TSNARE1: variants seen among roughly 807,000 people sequenced by gnomAD.
TSNARE1 encodes t-SNARE domain-containing protein 1.
In TSNARE1, 49 loss-of-function variants were observed where a neutral mutation model predicts 62.0. The ratio of observed to expected loss-of-function variants is 0.79; its 90% CI spans 0.63 to 1.00. TSNARE1 has a LOEUF of 1.00. Among genes scored for constraint, TSNARE1 ranks in the 50% least tolerant of loss-of-function variants. The pLI, the probability that TSNARE1 is intolerant of heterozygous loss-of-function variation, is 0.00. For missense variants in TSNARE1, 755 were observed against 700.1 expected, an observed-to-expected ratio of 1.08 and a Z score of -0.88; for synonymous variants, 328 against 294.4, an observed-to-expected ratio of 1.11 and a Z score of -1.17.
intron 2 of TSNARE1, among the ~76,000 whole-genome samples, chr8:142,351,194 C>G (rs535641292): frequency 6.6e-6 from 1 of 152,322 alleles, no homozygotes; most frequent in African/African-American, 2.4e-5. Flanking sequence ...ACACCAGGGG[C>G]TGTGACGCGT....
intron 2 of TSNARE1, among the ~76,000 whole-genome samples, chr8:142,346,246 G>A (rs1465836317): frequency 2.0e-5 from 3 of 152,200 alleles, no homozygotes; most frequent in Non-Finnish European, 4.4e-5. Flanking sequence ...CTCCAGCATC[G>A]TTTAAGGCAA....
intron 1 of TSNARE1, among the ~76,000 whole-genome samples, chr8:142,372,524 G>A (rs1835985998): frequency 6.6e-6 from 1 of 152,184 alleles, no homozygotes; most frequent in African/African-American, 2.4e-5. Flanking sequence ...GACAGACAGA[G>A]GCTGCGGGGT....
chr8:142,274,170 C>T (rs1820037564), intron 12 of TSNARE1: 1 of 985,286 alleles, frequency 1.0e-6, no homozygotes, highest in Non-Finnish European at 1.2e-6. Context: ...GTGGGGAGCA[C>T]CAGGCCACAA....
At chr8:142,372,232 C>T (rs912424400) in intron 1 of TSNARE1, among the ~76,000 whole-genome samples, 10 of 152,194 alleles carry the variant, frequency 6.6e-5, no homozygotes, top group South Asian at 2.1e-4. Flanking sequence ...GTCCGCAGCA[C>T]GACAGACAGA....
intron 12 of TSNARE1, chr8:142,269,888 T>A (rs1819372210): frequency 1.0e-6 from 1 of 985,312 alleles, no homozygotes; most frequent in African/African-American, 1.7e-5. Flanking sequence ...ATAGACAAGT[T>A]ACTGACACAT....
At chr8:142,334,721 G>A (rs1831518899) in intron 4 of TSNARE1, among the ~76,000 whole-genome samples, 1 of 152,182 alleles carries the variant, frequency 6.6e-6, no homozygotes, top group Non-Finnish European at 1.5e-5. Context: ...CACATTTCAT[G>A]AGGAAGAAAA....
intron 10 of TSNARE1, among the ~76,000 whole-genome samples, chr8:142,297,735 T>C (rs12682233): frequency 0.24 from 36,855 of 152,194 alleles, 5,089 homozygotes; most frequent in African/African-American, 0.37. Context: ...CAGCCTCTCA[T>C]GCGTCACGCT....
chr8:142,352,228 G>C (rs1834183179), intron 2 of TSNARE1, among the ~76,000 whole-genome samples: 1 of 152,214 alleles, frequency 6.6e-6, no homozygotes, highest in Admixed American at 6.5e-5. Context: ...GAGAAAAGCA[G>C]ACAAACAGTG....
intron 1 of TSNARE1, among the ~76,000 whole-genome samples, chr8:142,371,045 G>C (rs1016590689): frequency 6.6e-6 from 1 of 152,176 alleles, no homozygotes; most frequent in Non-Finnish European, 1.5e-5. Flanking sequence ...GGTACAAGAG[G>C]ACATCATTTC....
At chr8:142,385,197 G>A (rs776695106) in intron 1 of TSNARE1, among the ~76,000 whole-genome samples, 15 of 152,060 alleles carry the variant, frequency 9.9e-5, no homozygotes, top group Middle Eastern at 3.4e-3. Flanking sequence ...AACAACACTC[G>A]AGGTCAAAAG....
chr8:142,344,855 C>T (rs943570064), intron 3 of TSNARE1, among the ~76,000 whole-genome samples: 3 of 152,222 alleles, frequency 2.0e-5, no homozygotes, highest in African/African-American at 7.2e-5. Flanking sequence ...GGGATCAGCC[C>T]TCGCCTGGGG....
At chr8:142,347,330 G>A (rs986062681) in intron 2 of TSNARE1, among the ~76,000 whole-genome samples, 8 of 152,320 alleles carry the variant, frequency 5.3e-5, no homozygotes, top group Non-Finnish European at 1.0e-4. Flanking sequence ...ACCAAGGCCC[G>A]GAGGGGGCCC....
At chr8:142,224,198 C>T (rs1034306979) in intron 13 of TSNARE1, among the ~76,000 whole-genome samples, 2 of 152,294 alleles carry the variant, frequency 1.3e-5, no homozygotes, top group East Asian at 3.9e-4. Flanking sequence ...CAGGCCTGGG[C>T]GGGGTGGCTG....
intron 13 of TSNARE1, among the ~76,000 whole-genome samples, chr8:142,217,802 CCAGGATCAGCGT>C (rs1815957491): frequency 8.0e-6 from 1 of 125,214 alleles, no homozygotes; most frequent in Non-Finnish European, 1.7e-5. Context: ...CAGGGTGTGG[CCAGGATCAGCGT>C]TCAGGGTGTG....
At position 142,352,317 on chromosome 8, in the gene TSNARE1, C is replaced by T. The variant is rs565547205; in HGVS notation, c.88+2320G>A. Among the ~76,000 whole-genome samples the T allele has an allele frequency of 7.9e-5, 12 of 152,382 alleles. No homozygotes were observed. The South Asian group carries it at 1.7e-3, about 21-fold the overall frequency. The stretch of plus-strand genomic sequence containing the variant: ...CATTCATTATCAGAGAAACATCCTT[C>T]CAACCAGAGAGGACAAGCCACACCC... On this transcript the variant is annotated intron_variant, in intron 2 of 13. Coordinates refer to ENST00000524325, the MANE Select transcript of TSNARE1 (RefSeq NM_145003.5).
chr8:142,256,108 A>T, intron 12 of TSNARE1, among the ~76,000 whole-genome samples: 1 of 125,356 alleles, frequency 8.0e-6, no homozygotes, highest in Non-Finnish European at 1.7e-5. Context: ...CATCACCACC[A>T]CCATCACCAT....
chr8:142,388,550 C>CTTTTTT (rs71313221), intron 1 of TSNARE1, among the ~76,000 whole-genome samples: 12 of 67,408 alleles, frequency 1.8e-4, no homozygotes, highest in African/African-American at 2.1e-4. Context: ...AAAACAAAAT[C>CTTTTTT]TTTTTTTTTT....
chr8:142,213,974 C>A (rs1287209934), intron 13 of TSNARE1, among the ~76,000 whole-genome samples: 1 of 152,198 alleles, frequency 6.6e-6, no homozygotes, highest in Non-Finnish European at 1.5e-5. Context: ...CCCCGGGAAG[C>A]CCTGGCCTTT....
At chr8:142,277,224 CCT>C (rs926194582) in intron 11 of TSNARE1, 13 of 985,258 alleles carry the variant, frequency 1.3e-5, no homozygotes, top group Admixed American at 6.1e-5. Flanking sequence ...TTGCACATCC[CCT>C]GACTCCAGGA....
Sources: allele counts gnomAD v4.1 joint callset (sites outside exome capture counted in the v4.1 genomes callset), GRCh38; gene constraint gnomAD v4.1.1; transcripts MANE v1.5; gene names NCBI Gene and HGNC (gene_info 2026-07-23, HGNC 2026-07-21).